Variants in CDC14A observed in about 807,000 individuals in gnomAD.
CDC14A encodes dual specificity protein phosphatase CDC14A.
In CDC14A, 53 loss-of-function variants were observed where a neutral mutation model predicts 74.4. The observed-to-expected ratio is 0.71, with a 90% CI of 0.57 to 0.89. The LOEUF (loss-of-function observed/expected upper bound fraction) is 0.89. CDC14A is among the 40% of genes least tolerant of loss of function. The pLI is 0.00. For synonymous variants in CDC14A, 247 were observed against 258.4 expected (o/e 0.96, Z 0.43); for missense variants, 646 against 713.7 (o/e 0.91, Z 1.08).
chr1:100,409,420 T>C (rs1260448545), intron 4 of CDC14A, among the ~76,000 whole-genome samples: 1 of 152,198 alleles, frequency 6.6e-6, no homozygotes, highest in African/African-American at 2.4e-5. Context: ...CCTCAGAGTC[T>C]TAACTCATTT....
rs910999194 is a variant in CDC14A, at chr1:100,495,915, T to G, written c.1251-87T>G. ...CCTTTTGCTAATTTAATATTTTTAC[T>G]GGTTTGATACCATTTGATGTGCCTT... On this transcript the variant is annotated intron_variant, in intron 12 of 15. Transcript: ENST00000336454. 3.4e-5 allele frequency: 36 copies of G among 1,062,452 alleles called. No individual in the cohort carries two copies. In the African/African-American group the frequency reaches 4.9e-4, roughly 14 times the overall value. The allele number at this position is 1,062,452 out of a possible 1,614,324, so 65.8% of individuals were successfully genotyped here. A position where few individuals can be genotyped will look rare whatever the true frequency, so the allele number is the denominator to read the frequency against.
chr1:100,351,625 C>G (rs1286495973), upstream of CDC14A: 1 of 792,346 alleles, frequency 1.3e-6, no homozygotes, highest in Non-Finnish European at 2.1e-6. Flanking sequence ...TCTCCTGTTC[C>G]CTCCGCGCCC....
chr1:100,451,102 A>G (rs553282992), intron 7 of CDC14A, among the ~76,000 whole-genome samples: 2 of 152,214 alleles, frequency 1.3e-5, no homozygotes, highest in South Asian at 2.1e-4. Context: ...TGAGGACCTC[A>G]TGATTTCTGG....
chr1:100,459,393 G>C (rs2101204752), intron 8 of CDC14A, among the ~76,000 whole-genome samples: 1 of 152,302 alleles, frequency 6.6e-6, no homozygotes, highest in Admixed American at 6.5e-5. Context: ...TATGTGAAGT[G>C]CCTTGCAGAG....
chr1:100,495,032 C>T, intron 12 of CDC14A, 102 bp downstream of exon 12: 1 of 636,976 alleles, frequency 1.6e-6, no homozygotes, highest in East Asian at 2.8e-5. Context: ...GAATTTTGTT[C>T]TACAAATACT....
intron 3 of CDC14A, among the ~76,000 whole-genome samples, chr1:100,381,449 TA>T (rs1486254539): frequency 6.6e-6 from 1 of 152,220 alleles, no homozygotes; most frequent in African/African-American, 2.4e-5. Context: ...CCAGTTCTTT[TA>T]GGCACATTTC....
intron 5 of CDC14A, among the ~76,000 whole-genome samples, chr1:100,433,576 C>T (rs751825302): frequency 1.3e-5 from 2 of 152,156 alleles, no homozygotes; most frequent in African/African-American, 2.4e-5. Flanking sequence ...AGTCTCTTTT[C>T]TATCAGCTCT....
rs974112300 is a variant in CDC14A, at chr1:100,518,356, A to G, written c.*76A>G. 5 of 1,168,476 alleles carry G rather than the reference A, an allele frequency of 4.3e-6. No homozygotes were observed. The African/African-American group carries it at 7.6e-5, about 18-fold the overall frequency. 72.4% of individuals were successfully genotyped at this position (1,168,476 alleles called of 1,614,324 possible). On this transcript the variant is annotated 3_prime_UTR_variant, in exon 16 of 16. Coordinates refer to ENST00000336454, the MANE Select transcript of CDC14A (RefSeq NM_003672.4). ...ATCTGGACGAGCAGTGGAGAGGGAA[A>G]GCAACTTCTTGCTGGAAGAATATCT...
intron 4 of CDC14A, among the ~76,000 whole-genome samples, chr1:100,392,563 G>A (rs1040744443): frequency 6.6e-6 from 1 of 152,016 alleles, no homozygotes; most frequent in Non-Finnish European, 1.5e-5. Context: ...TGATATAGCA[G>A]TTATCTATGA....
chr1:100,398,353 C>T (rs1658816666), intron 4 of CDC14A, among the ~76,000 whole-genome samples: 1 of 152,174 alleles, frequency 6.6e-6, no homozygotes, highest in African/African-American at 2.4e-5. Context: ...CTCTTTCTGT[C>T]TGCCCATCTT....
chr1:100,350,587 A>G (rs1650864311), upstream of CDC14A, among the ~76,000 whole-genome samples: 1 of 146,614 alleles, frequency 6.8e-6, no homozygotes, highest in Non-Finnish European at 1.6e-5. Flanking sequence ...GAAAATAACA[A>G]GAAGGTGTTC....
chr1:100,517,467 A>T (rs867030388), intron 15 of CDC14A, among the ~76,000 whole-genome samples: 6 of 152,202 alleles, frequency 3.9e-5, no homozygotes, highest in Admixed American at 1.3e-4. Flanking sequence ...TCCTTTTTCT[A>T]ATCACTGTTT....
At chr1:100,475,768 T>G (rs1306669599) in intron 10 of CDC14A, among the ~76,000 whole-genome samples, 1 of 152,158 alleles carries the variant, frequency 6.6e-6, no homozygotes, top group East Asian at 1.9e-4. Context: ...CACTCTCCAC[T>G]AGGCCTCCTG....
intron 4 of CDC14A, among the ~76,000 whole-genome samples, chr1:100,405,533 T>C (rs1659827668): frequency 6.6e-6 from 1 of 152,196 alleles, no homozygotes; most frequent in Admixed American, 6.5e-5. Flanking sequence ...TTCCTGATGC[T>C]CTTCCTCCTC....
chr1:100,370,347 C>T lies in CDC14A; in HGVS notation c.141-7199C>T, dbSNP rs530237398. ...TTGTTGCTCAGGCTAGTCTCAAACT[C>T]CTGAGCTCAAGCAATCCTCACACTT... On this transcript the variant is annotated intron_variant, in intron 2 of 15. Transcript: ENST00000336454. Among the ~76,000 whole-genome samples the T allele has an allele frequency of 7.1e-4, 107 of 151,454 alleles. 1 individual carries two copies. In the South Asian group the frequency reaches 0.013, roughly 18 times the overall value.
intron 8 of CDC14A, among the ~76,000 whole-genome samples, chr1:100,459,000 A>G (rs1263660634): frequency 6.6e-6 from 1 of 152,060 alleles, no homozygotes; most frequent in Non-Finnish European, 1.5e-5. Flanking sequence ...AATGATGGAT[A>G]ACAGCAGAAT....
At chr1:100,475,310 C>G (rs1668779108) in intron 10 of CDC14A, among the ~76,000 whole-genome samples, 1 of 152,034 alleles carries the variant, frequency 6.6e-6, no homozygotes, top group Middle Eastern at 3.2e-3. Context: ...TTTCATGTGT[C>G]TTTGTAATTG....
At chr1:100,428,229 G>A (rs1038392675) in intron 5 of CDC14A, among the ~76,000 whole-genome samples, 1 of 152,148 alleles carries the variant, frequency 6.6e-6, no homozygotes, top group African/African-American at 2.4e-5. Context: ...TGAATTTCTG[G>A]CTTGTGTGAC....
intron 4 of CDC14A, among the ~76,000 whole-genome samples, chr1:100,412,754 TTTATATATATATA>T (rs1169440443): frequency 0.02 from 2,041 of 101,094 alleles, 108 homozygotes; most frequent in Middle Eastern, 0.032. Context: ...ATATATATAT[TTTATATATATATA>T]TTATATATAT....
Sources: gnomAD v4.1 joint callset for allele counts (sites outside exome capture counted in the v4.1 genomes callset) on GRCh38, gnomAD v4.1.1 for gene constraint, MANE v1.5 for transcripts, NCBI Gene and HGNC (gene_info 2026-07-23, HGNC 2026-07-21) for gene names.